Variants in CD99L2 observed in about 807,000 individuals in gnomAD.
CD99L2 encodes CD99 molecule like 2.
A neutral mutation model predicts 27.3 loss-of-function variants in CD99L2; 24 were observed. The ratio of observed to expected loss-of-function variants is 0.88; its 90% confidence interval spans 0.64 to 1.24. The LOEUF is 1.24. Among genes scored for constraint, CD99L2 ranks in the 50% most tolerant of loss-of-function variants. The probability of loss-of-function intolerance (pLI) is 0.00; values close to 1 mark genes in which losing one functional copy is unlikely to be tolerated. For missense variants in CD99L2, 255 were observed against 221.6 expected, an observed-to-expected ratio of 1.15 and a Z score of -0.96; for synonymous variants, 97 against 87.9, an observed-to-expected ratio of 1.10 and a Z score of -0.58.
chrX:150,816,002 A>C lies in CD99L2; in HGVS notation c.202+5T>G. ...TCACTGCCCTCCTTAAGGCAGCCACATTACCTGGAGGTTTTGCCGGAGCTC... is the reference window on the plus strand; with the variant it reads ...TCACTGCCCTCCTTAAGGCAGCCACCTTACCTGGAGGTTTTGCCGGAGCTC... On this transcript the variant is annotated splice_donor_5th_base_variant and intron_variant, in intron 3 of 10. Transcript: ENST00000370377. The C allele has an allele frequency of 8.3e-7, 1 of 1,211,001 alleles. No individual in the cohort carries two copies. Among genetic ancestry groups the C allele is most frequent in the Non-Finnish European group, 1.1e-6 (1 of 894,961 alleles).
chrX:150,892,942 C>T (rs931445831), intron 1 of CD99L2, among the ~76,000 whole-genome samples: 3 of 111,347 alleles, frequency 2.7e-5, no homozygotes, highest in Non-Finnish European at 5.7e-5. Flanking sequence ...GCCAACATGG[C>T]GAAACCCCGT....
intron 1 of CD99L2, among the ~76,000 whole-genome samples, chrX:150,884,408 A>G (rs1043534493): frequency 8.9e-6 from 1 of 111,818 alleles, no homozygotes; most frequent in Non-Finnish European, 1.9e-5. Flanking sequence ...GCTGGGCACA[A>G]TGTCTGACAC....
chrX:150,814,263 A>T (rs1275717772), intron 4 of CD99L2, among the ~76,000 whole-genome samples: 2 of 112,585 alleles, frequency 1.8e-5, no homozygotes, highest in Non-Finnish European at 3.8e-5. Flanking sequence ...ACCTGTAAGA[A>T]ACAACCGCTT....
intron 1 of CD99L2, among the ~76,000 whole-genome samples, chrX:150,894,963 T>C (rs1341263965): frequency 8.9e-6 from 1 of 111,888 alleles, no homozygotes; most frequent in East Asian, 2.8e-4. Context: ...TCTGTGTTCA[T>C]GCCTTCTGCT....
intron 1 of CD99L2, among the ~76,000 whole-genome samples, chrX:150,851,165 T>G (rs1208750012): frequency 8.9e-6 from 1 of 111,911 alleles, no homozygotes; most frequent in Non-Finnish European, 1.9e-5. Context: ...TAACCAAATG[T>G]GAAAGCCCTC....
chrX:150,830,450 G>A (rs193301590), intron 2 of CD99L2, among the ~76,000 whole-genome samples: 1 of 111,116 alleles, frequency 9.0e-6, no homozygotes, highest in African/African-American at 3.3e-5. Context: ...TACTTGGAAG[G>A]CTGGGATGGA....
intron 1 of CD99L2, among the ~76,000 whole-genome samples, chrX:150,832,075 TC>T (rs2046453096): frequency 8.9e-6 from 1 of 111,894 alleles, no homozygotes; most frequent in Non-Finnish European, 1.9e-5. Flanking sequence ...TACAGAACAT[TC>T]CAACCAACAG....
Position 150,791,043 on chromosome X carries a change from A to G in CD99L2, c.496+2648T>C, listed in dbSNP as rs782745474. On this transcript the variant is annotated intron_variant, in intron 7 of 10. Coordinates refer to ENST00000370377, the MANE Select transcript of CD99L2 (RefSeq NM_031462.4). ...TCTCCCCACTCTGTCCTCTCCACCAATCAGGGACACAACAAGAAGATAGCC... is the reference window on the plus strand; with the variant it reads ...TCTCCCCACTCTGTCCTCTCCACCAGTCAGGGACACAACAAGAAGATAGCC... Among the ~76,000 whole-genome samples, 4 of 110,973 alleles carry G rather than the reference A, an allele frequency of 3.6e-5. No homozygotes were observed. In the South Asian group the frequency reaches 1.6e-3, roughly 43 times the overall value.
chrX:150,845,095 A>C (rs782386980), intron 1 of CD99L2, among the ~76,000 whole-genome samples: 4 of 112,146 alleles, frequency 3.6e-5, no homozygotes, highest in African/African-American at 1.3e-4. Context: ...TGAAAGGCCA[A>C]TTTCAATCTT....
chrX:150,847,512 T>C (rs1006628385), intron 1 of CD99L2, among the ~76,000 whole-genome samples: 4 of 111,161 alleles, frequency 3.6e-5, no homozygotes, highest in Admixed American at 1.9e-4. Context: ...TAGAAAACCC[T>C]CTTTTGACTG....
At chrX:150,813,243 C>T (rs1569565967) in intron 4 of CD99L2, among the ~76,000 whole-genome samples, 1 of 111,367 alleles carries the variant, frequency 9.0e-6, no homozygotes, top group Non-Finnish European at 1.9e-5. Flanking sequence ...GTAAACAAAA[C>T]TAGGAAATTT....
intron 7 of CD99L2, among the ~76,000 whole-genome samples, chrX:150,793,291 G>A (rs1557419762): frequency 8.9e-6 from 1 of 112,105 alleles, no homozygotes; most frequent in Non-Finnish European, 1.9e-5. Context: ...CTTGCTATGG[G>A]TCTCTTAAAA....
At chrX:150,783,855 GGT>G (rs2045553862) in intron 7 of CD99L2, among the ~76,000 whole-genome samples, 2 of 111,695 alleles carry the variant, frequency 1.8e-5, no homozygotes, top group African/African-American at 6.5e-5. Flanking sequence ...CTCTCCTTCT[GGT>G]GTTCTCTGCA....
chrX:150,798,885 G>A lies in CD99L2; in HGVS notation c.278-3399C>T, dbSNP rs1182967904. Reference sequence around the variant, plus strand: ...CTTATCTTAGCCTTCTGAGTAGCTGGGACTACAGGCGTGCACCACCATGCC... The same window carrying A: ...CTTATCTTAGCCTTCTGAGTAGCTGAGACTACAGGCGTGCACCACCATGCC... On this transcript the variant is annotated intron_variant, in intron 4 of 10. Coordinates refer to ENST00000370377, the MANE Select transcript of CD99L2 (RefSeq NM_031462.4). Among the ~76,000 whole-genome samples, 15 of 111,820 alleles carry A rather than the reference G, an allele frequency of 1.3e-4. No homozygotes were observed. In the Admixed American group the frequency reaches 1.4e-3, roughly 11 times the overall value.
chrX:150,855,965 T>G (rs1042250276), intron 1 of CD99L2, among the ~76,000 whole-genome samples: 1 of 111,921 alleles, frequency 8.9e-6, no homozygotes, highest in Non-Finnish European at 1.9e-5. Flanking sequence ...TACAGTCACT[T>G]AAATCCAAAT....
In CD99L2 at chrX:150,812,341, A is replaced by C. The variant is rs139972710; in HGVS notation, c.277+2521T>G. 3.2e-3 allele frequency among the ~76,000 whole-genome samples: 363 copies of C among 111,889 alleles called. 1 individual carries two copies. Among genetic ancestry groups the C allele is most frequent in the African/African-American group, 0.011 (345 of 30,844 alleles). On this transcript the variant is annotated intron_variant, in intron 4 of 10. Coordinates refer to ENST00000370377, the MANE Select transcript of CD99L2 (RefSeq NM_031462.4). ...GACAAATGTCTACAATATTTAAGGA[A>C]CTCTCAAACTCAATAGTAAGAAAAA...
intron 9 of CD99L2, among the ~76,000 whole-genome samples, chrX:150,775,185 C>T (rs782352371): frequency 2.7e-5 from 3 of 112,213 alleles, no homozygotes; most frequent in South Asian, 3.8e-4. Flanking sequence ...GACTTAAGGG[C>T]GGAGGGCCAC....
intron 2 of CD99L2, among the ~76,000 whole-genome samples, chrX:150,825,088 T>A (rs1157228245): frequency 8.9e-6 from 1 of 112,305 alleles, no homozygotes; most frequent in Admixed American, 9.5e-5. Context: ...GTCTCTAATT[T>A]CCATTTGACT....
intron 7 of CD99L2, among the ~76,000 whole-genome samples, chrX:150,783,127 C>A (rs2045538712): frequency 1.1e-5 from 1 of 88,287 alleles, no homozygotes; most frequent in Non-Finnish European, 2.1e-5. Context: ...GGGAATATCA[C>A]ACACCGGGGC....
Sources: gnomAD v4.1 joint callset for allele counts (sites outside exome capture counted in the v4.1 genomes callset) on GRCh38, gnomAD v4.1.1 for gene constraint, MANE v1.5 for transcripts, NCBI Gene and HGNC (gene_info 2026-07-23, HGNC 2026-07-21) for gene names.